HR: variants seen among roughly 807,000 people sequenced by gnomAD.
HR encodes HR lysine demethylase and nuclear receptor corepressor.
In HR, 83 loss-of-function variants were observed where a neutral mutation model predicts 128.6. The observed-to-expected ratio is 0.65, with a 90% CI of 0.54 to 0.77. HR has a LOEUF of 0.77. Among genes scored for constraint, HR ranks in the 30% least tolerant of loss-of-function variants. The pLI, the probability that HR is intolerant of heterozygous loss-of-function variation, is 0.00. For synonymous variants in HR, 681 were observed against 658.2 expected, an observed-to-expected ratio of 1.03 and a Z score of -0.53; for missense variants, 1,490 against 1,574.6, an observed-to-expected ratio of 0.95 and a Z score of 0.91.
chr8:22,127,287 T>C lies in HR; in HGVS notation c.1155A>G (p.Thr385=), dbSNP rs1180032614. 4 of 1,613,172 alleles carry C rather than the reference T, an allele frequency of 2.5e-6. No homozygotes were observed. Among genetic ancestry groups the C allele is most frequent in the African/African-American group, 1.3e-5 (1 of 74,922 alleles). The change falls in exon 3 of 19, where the codon ACA becomes ACG. Residue 385 remains threonine, a synonymous_variant. Coordinates refer to ENST00000381418, the MANE Select transcript of HR (RefSeq NM_005144.5). ...GACATTCAAACTGCTCCGAGTGCCG[T>C]GTGAGCCATGTCTTCTTCAGCTTGG... The part of the protein sequence containing the change: ...HHTKLKKTWL[T]RHSEQFECPR...
rs1465993058 is a variant in HR, at chr8:22,116,983, C to T, written c.3270G>A (p.Leu1090=). 2.0e-6 allele frequency: 3 copies of T among 1,531,680 alleles called. No individual in the cohort carries two copies. The highest frequency in any genetic ancestry group is 2.7e-5 in the African/African-American group (2 of 73,126). 94.9% of individuals were successfully genotyped at this position (1,531,680 alleles called of 1,614,324 possible). A position where few individuals can be genotyped will look rare whatever the true frequency, so the allele number is the denominator to read the frequency against. ...GCAGGCGCCGCCGCAGCCCTGCATC[C>T]AGGTAGCAGCTGCCTGGGGCGCCAG... ...LEPGAPGSCY[L]DAGLRRRLRE... The change falls in exon 17 of 19, where the codon CTG becomes CTA. Residue 1090 remains leucine (L), a synonymous_variant. Transcript: ENST00000381418. This position sits in a 1 kb window ranked among gnomAD's most constrained non-coding sequence, Gnocchi z 4.2.
chr8:22,121,055 CCTCA>C lies in HR; in HGVS notation c.2367+6_2367+9del. ...CTGGCTCCTAGCCCTCCCTCCGTGC[CCTCA>C]CTCACACTGGGCAGGGCCGGAGTGA... is the stretch of plus-strand genomic sequence containing the variant. On this transcript the variant is annotated splice_donor_region_variant and intron_variant, in intron 10 of 18. Coordinates refer to ENST00000381418, the MANE Select transcript of HR (RefSeq NM_005144.5). 6.2e-7 allele frequency: 1 copy of C among 1,613,502 alleles called. No individual in the cohort carries two copies. The highest frequency in any genetic ancestry group is 8.5e-7 in the Non-Finnish European group (1 of 1,179,978).
rs977160789 is a variant in HR, at chr8:22,119,287, C to T, written c.2978-4G>A. The T allele has an allele frequency of 1.2e-6, 2 of 1,613,470 alleles. No homozygotes were observed. The highest frequency in any genetic ancestry group is 1.7e-6 in the Non-Finnish European group (2 of 1,180,026). ...TGTCCCCGGTGCGGGCTCACACCTG[C>T]ATGGCAATAGAGAAAGAACAGTTAG... On this transcript the variant is annotated splice_polypyrimidine_tract_variant and splice_region_variant and intron_variant, in intron 14 of 18. Coordinates refer to ENST00000381418, the MANE Select transcript of HR (RefSeq NM_005144.5).
In HR at chr8:22,127,432, C is replaced by T. The variant is rs12675375; in HGVS notation, c.1010G>A (p.Gly337Asp). 0.32 allele frequency: 523,693 copies of T among 1,612,408 alleles called. 88,002 individuals are homozygous for T. The highest frequency in any genetic ancestry group is 0.46 in the Middle Eastern group (2,765 of 6,054). ...CSSYPPTKGG[G>D]LGPCGKCQEG... ...CTGGCACTTCCCACAAGGGCCAAGACCCCCACCTTTAGTGGGTGGGTAGGA... is the reference window on the plus strand; with the variant it reads ...CTGGCACTTCCCACAAGGGCCAAGATCCCCACCTTTAGTGGGTGGGTAGGA... Residue 337 changes from glycine to aspartate, a missense_variant, in exon 3 of 19, where the codon GGT (glycine) becomes GAT (aspartate). Transcript: ENST00000381418.
Position 22,115,243 on chromosome 8 carries a change from T to C in HR, c.*457A>G, listed in dbSNP as rs575182263. ...AGGAGGGCAGAAGGTTGGAGGCCCC[T>C]TGTTCAGCATGCCTGCAGTGAGCCC... On this transcript the variant is annotated 3_prime_UTR_variant, in exon 19 of 19. Coordinates refer to ENST00000381418, the MANE Select transcript of HR (RefSeq NM_005144.5). 6.8e-5 allele frequency: 16 copies of C among 234,798 alleles called. No individual in the cohort carries two copies. The highest frequency in any genetic ancestry group is 2.0e-4 in the South Asian group (3 of 15,006). The allele number at this position is 234,798 out of a possible 1,614,324, so 14.5% of individuals were successfully genotyped here.
Position 22,120,447 on chromosome 8 carries a change from G to C in HR, c.2671C>G (p.Leu891Val). The change falls in exon 12 of 19, where the codon CTT becomes GTT. Residue 891 changes from leucine (L) to valine (V), a missense_variant. By Grantham distance (32) the Leu-to-Val change is conservative (BLOSUM62 1). Transcript: ENST00000381418. ...TGCACCTGGCCTCCAAGTGCCCCAA[G>C]AGCTTCTGTCCCCCACAGGTTGCCC... ...LQGNLWGTEA[L>V]GALGGQVQAL... 6.2e-7 allele frequency: 1 copy of C among 1,614,072 alleles called. No individual in the cohort carries two copies. Among genetic ancestry groups the C allele is most frequent in the East Asian group, 2.2e-5 (1 of 44,886 alleles).
rs771639271 is a variant in HR, at chr8:22,127,648, G to A, written c.794C>T (p.Pro265Leu). ...AGTGTCTGGCTGCCCCAGGAAGAGC[G>A]GGCAAGGATTCTGCTGCCGGCCAGC... ...MGAGRQQNPCPLFLGQPDTVP... is the reference protein window; with the variant it reads ...MGAGRQQNPCLLFLGQPDTVP... Residue 265 changes from proline (P) to leucine (L), a missense_variant, in exon 3 of 19, where the codon CCG (proline) becomes CTG (leucine). Pro to Leu is a moderately conservative substitution (Grantham distance 98). Around this residue, in one of 3 missense-constraint regions of HR, gnomAD observed 1,060 missense variants for 1,060.9 expected, o/e 1.00. Coordinates refer to ENST00000381418, the MANE Select transcript of HR (RefSeq NM_005144.5). The A allele has an allele frequency of 2.4e-5, 38 of 1,609,250 alleles. 1 individual carries two copies. The highest frequency in any genetic ancestry group is 5.0e-5 in the Admixed American group (3 of 59,978).
intron 3 of HR, among the ~76,000 whole-genome samples, chr8:22,126,213 G>C (rs1218625203): frequency 2.0e-5 from 3 of 152,256 alleles, no homozygotes; most frequent in Admixed American, 6.5e-5. Context: ...CAAATTCCCA[G>C]CCAGGGCAGA....
chr8:22,116,462 G>T lies in HR; in HGVS notation c.3379-34C>A, dbSNP rs1826589977. On this transcript the variant is annotated intron_variant, in intron 17 of 18. Transcript: ENST00000381418. This position sits in a 1 kb window ranked among gnomAD's most constrained non-coding sequence, Gnocchi z 4.2. The stretch of plus-strand genomic sequence containing the variant: ...GGGGGACATGGACAGTGAGGCTCAA[G>T]ATCACACATCCTCTCCCTGTCCCCC... 1 of 1,608,708 alleles carries T rather than the reference G, an allele frequency of 6.2e-7. No individual in the cohort carries two copies.
At position 22,117,356 on chromosome 8, in the gene HR, A is replaced by C; in HGVS notation, c.3214-317T>G. 5 of 374,580 alleles carry C rather than the reference A, an allele frequency of 1.3e-5. No individual in the cohort carries two copies. The East Asian group carries it at 1.4e-4, about 10-fold the overall frequency. 23.2% of individuals were successfully genotyped at this position (374,580 alleles called of 1,614,324 possible). ...CTCGGCCCCTCTCCTCCCTCTCTCA[A>C]TGGTACCCCTTTCTGCAAATCCGAG... On this transcript the variant is annotated intron_variant, in intron 16 of 18. Transcript: ENST00000381418.
intron 6 of HR, 32 bp downstream of exon 6, chr8:22,123,617 T>TGGGGGGGCCCCCCCC: frequency 6.8e-6 from 2 of 292,092 alleles, no homozygotes; most frequent in Non-Finnish European, 1.2e-5. Flanking sequence ...GAGGGCTCCA[T>TGGGGGGGCCCCCCCC]CCCGCCCTCC....
rs778897268 is a variant in HR at position 22,120,156 on chromosome 8, C to T, written c.2794G>A (p.Glu932Lys). 142 of 1,593,554 alleles carry T rather than the reference C, an allele frequency of 8.9e-5. No individual in the cohort carries two copies. The Middle Eastern group carries it at 2.0e-3, about 22-fold the overall frequency. ...SWPELRPKSD[E>K]GSVLLLHRAL... ...CGGTGCAGCAGGAGGACAGAGCCCT[C>T]GTCTGACTTTGGGCGAACTACAGGA... The change falls in exon 13 of 19, where the codon GAG becomes AAG. Residue 932 changes from glutamate (E) to lysine (K), a missense_variant. By Grantham distance (56) the Glu-to-Lys change is moderately conservative. Transcript: ENST00000381418.
In HR at chr8:22,128,026, T is replaced by C; in HGVS notation, c.613-197A>G. ...CCCCCACCTCCTCCCCCAGGATTTC[T>C]CAGACGTCCCCACAAGGAAGTCTAA... On this transcript the variant is annotated intron_variant, in intron 2 of 18. Coordinates refer to ENST00000381418, the MANE Select transcript of HR (RefSeq NM_005144.5). 6.1e-6 allele frequency: 4 copies of C among 655,104 alleles called. No homozygotes were observed. The South Asian group carries it at 6.9e-5, about 11-fold the overall frequency. 40.6% of individuals were successfully genotyped at this position (655,104 alleles called of 1,614,324 possible).
In HR at chr8:22,120,322, C is replaced by G. The variant is rs765686683; in HGVS notation, c.2776+20G>C. Reference sequence around the variant, plus strand: ...GGCTTGGGCTCCCAGCTCCCTCTCCCCTGTGTTGGGGACACTTACGCTCAG... The same window carrying G: ...GGCTTGGGCTCCCAGCTCCCTCTCCGCTGTGTTGGGGACACTTACGCTCAG... On this transcript the variant is annotated intron_variant, in intron 12 of 18. Transcript: ENST00000381418. 1 of 1,613,732 alleles carries G rather than the reference C, an allele frequency of 6.2e-7. No homozygotes were observed. Among genetic ancestry groups the G allele is most frequent in the African/African-American group, 1.3e-5 (1 of 75,048 alleles).
At chr8:22,121,011 A>G in intron 10 of HR, 53 bp from the exon 11 acceptor site, 1 of 1,612,594 alleles carries the variant, frequency 6.2e-7, no homozygotes, top group South Asian at 1.1e-5. Flanking sequence ...CAGGGAGGGC[A>G]GGCCCAGCCT....
At chr8:22,118,325 C>A in intron 16 of HR, 1 of 154,978 alleles carries the variant, frequency 6.5e-6, no homozygotes. Context: ...TTGCCTCCAG[C>A]CCACCCCATC....
rs568964531 is a variant in HR, at chr8:22,130,954, T to TAGAGCGCGGCGG, written c.-579_-568dup. On this transcript the variant is annotated 5_prime_UTR_variant, in exon 1 of 19. Transcript: ENST00000381418. ...CACCGCGCAGCGCGGCTAATGGAGGTAGAGCGCGGCGGAGAGCGCAGCAGG... is the reference window on the plus strand; with the variant it reads ...CACCGCGCAGCGCGGCTAATGGAGGTAGAGCGCGGCGGAGAGCGCGGCGGAGAGCGCAGCAGG... 3.3e-5 allele frequency: 5 copies of TAGAGCGCGGCGG among 152,164 alleles called. No homozygotes were observed. The highest frequency in any genetic ancestry group is 4.8e-5 in the African/African-American group (2 of 41,368). 9.4% of individuals were successfully genotyped at this position (152,164 alleles called of 1,614,324 possible).
In HR at chr8:22,128,880, C is replaced by T; in HGVS notation, c.291G>A (p.Leu97=). 3.7e-6 allele frequency: 6 copies of T among 1,613,456 alleles called. No homozygotes were observed. Among genetic ancestry groups the T allele is most frequent in the Non-Finnish European group, 5.1e-6 (6 of 1,180,024 alleles). The change falls in exon 2 of 19, where the codon CTG becomes CTA. Residue 97 remains leucine (L), a synonymous_variant. Transcript: ENST00000381418. ...GGGTAAGCATGGCCTCCTTCCAGCGCAGTCCCTCTTTGCTGCCCAGCCAGT... is the reference window on the plus strand; with the variant it reads ...GGGTAAGCATGGCCTCCTTCCAGCGTAGTCCCTCTTTGCTGCCCAGCCAGT... The part of the protein sequence containing the change: ...KVNWLGSKEG[L]RWKEAMLTHP...
At chr8:22,126,259 G>A (rs911490393) in intron 3 of HR, among the ~76,000 whole-genome samples, 1 of 144,152 alleles carries the variant, frequency 6.9e-6, no homozygotes, top group Non-Finnish European at 1.5e-5. Flanking sequence ...CCCATGCCAG[G>A]TGCAGGGCAT....
Sources: gnomAD v4.1 joint callset for allele counts (sites outside exome capture counted in the v4.1 genomes callset) on GRCh38, gnomAD v4.1.1 for gene constraint, gnomAD v4.1.1 regional missense constraint, Gnocchi (gnomAD v3.1) non-coding constraint, MANE v1.5 for transcripts, NCBI Gene and HGNC (gene_info 2026-07-23, HGNC 2026-07-21) for gene names.